The following SMYD3 variants were observed in gnomAD, a reference collection of about 807,000 sequenced individuals.
SMYD3 encodes the protein SET and MYND domain containing 3, also known as histone-lysine N-methyltransferase SMYD3.
A neutral mutation model predicts 57.7 loss-of-function variants in SMYD3; 36 were observed. That is an observed-to-expected ratio of 0.62 (90% CI 0.48 to 0.82). The LOEUF is 0.82. Among genes scored for constraint, SMYD3 ranks in the 40% least tolerant of loss-of-function variants. The pLI is 0.00. For synonymous variants in SMYD3, 211 were observed against 195.0 expected (o/e 1.08, Z -0.68); for missense variants, 515 against 538.8 (o/e 0.96, Z 0.44).
intron 5 of SMYD3, among the ~76,000 whole-genome samples, chr1:246,214,371 A>G (rs916044631): frequency 1.3e-5 from 2 of 152,184 alleles, no homozygotes; most frequent in African/African-American, 4.8e-5. Context: ...TGGTAAACCA[A>G]GCATGGCAAG....
At chr1:245,960,087 TTTTTA>T (rs943274075) in intron 5 of SMYD3, among the ~76,000 whole-genome samples, 30 of 152,338 alleles carry the variant, frequency 2.0e-4, no homozygotes, top group African/African-American at 6.3e-4. Flanking sequence ...GCCACATATC[TTTTTA>T]TTTTAAAATA....
intron 1 of SMYD3, among the ~76,000 whole-genome samples, chr1:246,446,370 G>A (rs1397223992): frequency 6.6e-6 from 1 of 152,042 alleles, no homozygotes; most frequent in East Asian, 1.9e-4. Context: ...TATTTATCTA[G>A]TAAGAAAAGG....
chr1:246,267,462 T>C lies in SMYD3; in HGVS notation c.531+59739A>G, dbSNP rs550324425. ...ATAGGCACATCCTTAAAATTTCATA[T>C]GAACACTTTGGGGAAACATTTTAAA... On this transcript the variant is annotated intron_variant, in intron 5 of 11. Coordinates refer to ENST00000490107, the MANE Select transcript of SMYD3 (RefSeq NM_001167740.2). 3.0e-4 allele frequency among the ~76,000 whole-genome samples: 45 copies of C among 152,382 alleles called. 1 individual carries two copies. Among genetic ancestry groups the C allele is most frequent in the African/African-American group, 1.1e-3 (44 of 41,596 alleles).
At chr1:246,344,463 C>T (rs974503843) in intron 2 of SMYD3, among the ~76,000 whole-genome samples, 18 of 152,168 alleles carry the variant, frequency 1.2e-4, no homozygotes, top group Non-Finnish European at 2.5e-4. Context: ...AGTAATAGTA[C>T]AGTATGCATC....
intron 1 of SMYD3, among the ~76,000 whole-genome samples, chr1:246,409,917 T>C (rs1031964334): frequency 1.3e-5 from 2 of 152,184 alleles, no homozygotes; most frequent in African/African-American, 4.8e-5. Flanking sequence ...GATTCCTAGG[T>C]ATTTTATTCT....
At chr1:246,177,293 C>T (rs1215048871) in intron 5 of SMYD3, among the ~76,000 whole-genome samples, 1 of 152,148 alleles carries the variant, frequency 6.6e-6, no homozygotes, top group African/African-American at 2.4e-5. Context: ...CCATCACTTA[C>T]AATCCAAACA....
intron 10 of SMYD3, among the ~76,000 whole-genome samples, 174 bp from the exon 11 acceptor site, chr1:245,764,323 A>C (rs945460539): frequency 2.0e-5 from 3 of 152,076 alleles, no homozygotes; most frequent in Non-Finnish European, 1.5e-5. Flanking sequence ...TTGACACAGG[A>C]CTGGTCTCCA....
In SMYD3 at chr1:245,758,489, G is replaced by C. The variant is rs145051986; in HGVS notation, c.1185+5552C>G. On this transcript the variant is annotated intron_variant, in intron 11 of 11. Coordinates refer to ENST00000490107, the MANE Select transcript of SMYD3 (RefSeq NM_001167740.2). Reference sequence around the variant, plus strand: ...TGATTCATAGGTCCCCTGAGGCACTGTTCAATTTTACTTTTTCTTCAGTAT... The same window carrying C: ...TGATTCATAGGTCCCCTGAGGCACTCTTCAATTTTACTTTTTCTTCAGTAT... Among the ~76,000 whole-genome samples the C allele has an allele frequency of 1.8e-3, 270 of 152,204 alleles. 1 individual carries two copies. The highest frequency in any genetic ancestry group is 6.3e-3 in the African/African-American group (261 of 41,558).
chr1:246,093,453 C>T (rs959814835), intron 5 of SMYD3, among the ~76,000 whole-genome samples: 1 of 152,048 alleles, frequency 6.6e-6, no homozygotes. Flanking sequence ...AGAATAAAGT[C>T]CTGTCATTTG....
At chr1:246,269,540 TTTC>T (rs2064177067) in intron 5 of SMYD3, among the ~76,000 whole-genome samples, 1 of 107,390 alleles carries the variant, frequency 9.3e-6, no homozygotes, top group African/African-American at 2.7e-5. Context: ...TTTCTTTTTT[TTTC>T]TTTTTTTTTT....
chr1:246,326,443 C>G, intron 5 of SMYD3: 1 of 658,564 alleles, frequency 1.5e-6, no homozygotes, highest in Non-Finnish European at 2.7e-6. Flanking sequence ...CCTCCCTAGG[C>G]CAAGATAAAC....
At chr1:246,109,284 A>G (rs930775544) in intron 5 of SMYD3, among the ~76,000 whole-genome samples, 1 of 152,196 alleles carries the variant, frequency 6.6e-6, no homozygotes, top group African/African-American at 2.4e-5. Flanking sequence ...GAAATACTAT[A>G]ATAGCCTTGG....
intron 1 of SMYD3, among the ~76,000 whole-genome samples, chr1:246,453,964 G>A (rs186733023): frequency 6.6e-6 from 1 of 152,218 alleles, no homozygotes; most frequent in Non-Finnish European, 1.5e-5. Flanking sequence ...TCTTCTAGTC[G>A]GCTCCTATTC....
intron 11 of SMYD3, among the ~76,000 whole-genome samples, chr1:245,751,720 C>A (rs2045387528): frequency 2.0e-5 from 3 of 152,220 alleles, no homozygotes; most frequent in Admixed American, 2.0e-4. Context: ...CACTGGCAGT[C>A]TGGCCCCTCA....
chr1:245,912,928 T>G (rs2055105431), intron 8 of SMYD3, among the ~76,000 whole-genome samples: 1 of 152,204 alleles, frequency 6.6e-6, no homozygotes, highest in South Asian at 2.1e-4. Flanking sequence ...TGTAAACTAG[T>G]TCAACCATTG....
intron 7 of SMYD3, among the ~76,000 whole-genome samples, chr1:245,920,104 G>C (rs1163056002): frequency 6.6e-6 from 1 of 152,112 alleles, no homozygotes; most frequent in Non-Finnish European, 1.5e-5. Flanking sequence ...ACGAGGTCAG[G>C]AGATTGAGAC....
intron 5 of SMYD3, among the ~76,000 whole-genome samples, chr1:246,121,602 G>C (rs2061427175): frequency 6.6e-6 from 1 of 152,122 alleles, no homozygotes; most frequent in Admixed American, 6.5e-5. Context: ...TGTATTCCCA[G>C]AGAAATAGCA....
intron 5 of SMYD3, among the ~76,000 whole-genome samples, chr1:246,169,173 T>C (rs572805075): frequency 3.9e-5 from 6 of 152,138 alleles, no homozygotes; most frequent in African/African-American, 9.6e-5. Flanking sequence ...ATACATTGGA[T>C]AGCAATCCAG....
chr1:246,371,735 GA>G (rs1220866436), intron 1 of SMYD3, among the ~76,000 whole-genome samples: 4 of 152,124 alleles, frequency 2.6e-5, no homozygotes, highest in Non-Finnish European at 5.9e-5. Context: ...TGTCACTCTA[GA>G]AAAATTCTCT....
Sources: allele counts gnomAD v4.1 joint callset (sites outside exome capture counted in the v4.1 genomes callset), GRCh38; gene constraint gnomAD v4.1.1; transcripts MANE v1.5; gene names NCBI Gene and HGNC (gene_info 2026-07-23, HGNC 2026-07-21).